Variants in ACSS3 observed in about 807,000 individuals in gnomAD.
ACSS3 encodes acyl-CoA synthetase short chain family member 3.
Under a neutral mutation model 84.2 loss-of-function variants are expected in ACSS3, and 64 were observed. That is an observed-to-expected ratio of 0.76 (90% CI 0.62 to 0.94). The LOEUF (loss-of-function observed/expected upper bound fraction) is 0.94, where lower values mean the gene tolerates loss of function less well. Among genes scored for constraint, ACSS3 ranks in the 40% least tolerant of loss-of-function variants. The pLI is 0.00. For missense variants in ACSS3, 815 were observed against 867.6 expected (o/e 0.94, Z 0.76); for synonymous variants, 317 against 310.1 (o/e 1.02, Z -0.23).
At chr12:81,101,836 C>CT (rs149332414) in intron 1 of ACSS3, among the ~76,000 whole-genome samples, 6,304 of 150,928 alleles carry the variant, frequency 0.042, 440 homozygotes, top group African/African-American at 0.14. Context: ...GGTTGAGCAT[C>CT]TTTTTTTTTA....
intron 11 of ACSS3, among the ~76,000 whole-genome samples, chr12:81,229,452 C>T (rs1376048571): frequency 2.0e-5 from 3 of 151,800 alleles, no homozygotes; most frequent in Non-Finnish European, 4.4e-5. Flanking sequence ...TTGTTATAGT[C>T]ATATTCTATT....
At chr12:81,129,199 C>T (rs901877294) in intron 2 of ACSS3, among the ~76,000 whole-genome samples, 1 of 152,018 alleles carries the variant, frequency 6.6e-6, no homozygotes, top group Non-Finnish European at 1.5e-5. Context: ...AACTCAGATG[C>T]CTACAGAAGA....
At position 81,260,651 on chromosome 12, in the gene ACSS3, A is replaced by G. The variant is rs563112520; in HGVS notation, c.*5729A>G. 1.5e-3 allele frequency: 231 copies of G among 152,280 alleles called. 1 individual carries two copies. The highest frequency in any genetic ancestry group is 5.2e-3 in the African/African-American group (215 of 41,548). The allele number at this position is 152,280 out of a possible 1,614,324, so 9.4% of individuals were successfully genotyped here. On this transcript the variant is annotated 3_prime_UTR_variant, in exon 16 of 16. Transcript: ENST00000548058. The stretch of plus-strand genomic sequence containing the variant: ...ATGCTTTTCATTTTATCAGCTTCAA[A>G]TAGTGATCCAAATAAGGCAGCATAT...
chr12:81,148,099 A>G (rs1296947056), intron 5 of ACSS3, among the ~76,000 whole-genome samples: 1 of 151,718 alleles, frequency 6.6e-6, no homozygotes, highest in Non-Finnish European at 1.5e-5. Context: ...TTTGTCATGT[A>G]CTCTAAGCTT....
At chr12:81,232,662 A>C (rs1467530198) in intron 12 of ACSS3, among the ~76,000 whole-genome samples, 1 of 151,812 alleles carries the variant, frequency 6.6e-6, no homozygotes, top group Non-Finnish European at 1.5e-5. Context: ...AACAGATGAG[A>C]ATACTGAGTC....
chr12:81,212,644 T>G (rs1390150083), intron 9 of ACSS3, among the ~76,000 whole-genome samples: 2 of 152,178 alleles, frequency 1.3e-5, no homozygotes, highest in African/African-American at 4.8e-5. Flanking sequence ...ATAAATGCAA[T>G]TATATAGATT....
At chr12:81,089,207 T>TA (rs947588241) in intron 1 of ACSS3, among the ~76,000 whole-genome samples, 1 of 151,904 alleles carries the variant, frequency 6.6e-6, no homozygotes, top group Non-Finnish European at 1.5e-5. Flanking sequence ...AACCTCTCAA[T>TA]AAAAAAATAG....
chr12:81,215,629 G>C (rs1036418213), intron 9 of ACSS3, among the ~76,000 whole-genome samples: 1 of 152,150 alleles, frequency 6.6e-6, no homozygotes, highest in Non-Finnish European at 1.5e-5. Flanking sequence ...TGATGGGTTT[G>C]GCAGTTAATT....
At chr12:81,105,850 G>A (rs1479351890) in intron 1 of ACSS3, among the ~76,000 whole-genome samples, 6 of 152,220 alleles carry the variant, frequency 3.9e-5, no homozygotes, top group Non-Finnish European at 5.9e-5. Flanking sequence ...AATGTTCTAA[G>A]TTAAGCTGTG....
chr12:81,192,183 C>A (rs1398037385), intron 8 of ACSS3, among the ~76,000 whole-genome samples: 1 of 151,860 alleles, frequency 6.6e-6, no homozygotes, highest in African/African-American at 2.4e-5. Flanking sequence ...AGTTCGAGAC[C>A]AGCCTGGCCA....
intron 5 of ACSS3, among the ~76,000 whole-genome samples, chr12:81,150,871 TTCATAAAAAACAA>T (rs2099256445): frequency 7.2e-6 from 1 of 139,776 alleles, no homozygotes; most frequent in African/African-American, 2.5e-5. Context: ...TGTTTGCCCT[TTCATAAAAAACAA>T]TTTTTTTTGC....
intron 8 of ACSS3, among the ~76,000 whole-genome samples, chr12:81,188,780 A>G (rs1208741631): frequency 2.6e-5 from 4 of 151,964 alleles, no homozygotes; most frequent in Admixed American, 1.3e-4. Flanking sequence ...AATAATTTTT[A>G]CTTTTATTTT....
intron 2 of ACSS3, among the ~76,000 whole-genome samples, chr12:81,121,791 A>G (rs1388851398): frequency 6.6e-6 from 1 of 152,090 alleles, no homozygotes; most frequent in Non-Finnish European, 1.5e-5. Flanking sequence ...TTAGTAATTG[A>G]ACTTCCATAG....
chr12:81,149,193 CTTCATA>C (rs1290789809), intron 5 of ACSS3, among the ~76,000 whole-genome samples: 4 of 152,076 alleles, frequency 2.6e-5, no homozygotes, highest in Non-Finnish European at 5.9e-5. Context: ...AGTATTTTTA[CTTCATA>C]TTCAGATATA....
At chr12:81,134,452 A>G (rs1273408863) in intron 2 of ACSS3, among the ~76,000 whole-genome samples, 1 of 152,134 alleles carries the variant, frequency 6.6e-6, no homozygotes, top group Non-Finnish European at 1.5e-5. Flanking sequence ...TTTGCAATAC[A>G]TAGGCTCTAC....
At chr12:81,083,241 G>T (rs1295758838) in intron 1 of ACSS3, among the ~76,000 whole-genome samples, 3 of 152,184 alleles carry the variant, frequency 2.0e-5, no homozygotes, top group African/African-American at 7.2e-5. Flanking sequence ...TCACAGCAGG[G>T]CTGAAAGCCT....
At chr12:81,225,878 A>G (rs12316041) in intron 11 of ACSS3, among the ~76,000 whole-genome samples, 1,595 of 152,014 alleles carry the variant, frequency 0.01, 31 homozygotes, top group African/African-American at 0.037. Flanking sequence ...TAAACAAGGC[A>G]ATTGAATAAT....
chr12:81,253,783 C>CACAT (rs2034223555), intron 15 of ACSS3, 113 bp downstream of exon 15: 1 of 1,022,262 alleles, frequency 9.8e-7, no homozygotes, highest in African/African-American at 1.6e-5. Context: ...CTCTAGAAAA[C>CACAT]ACATAATAGT....
chr12:81,112,296 A>G (rs1356404360), intron 2 of ACSS3, among the ~76,000 whole-genome samples: 1 of 152,230 alleles, frequency 6.6e-6, no homozygotes, highest in African/African-American at 2.4e-5. Flanking sequence ...CATTACCTAT[A>G]GCCACATATT....
Sources: allele counts gnomAD v4.1 joint callset (sites outside exome capture counted in the v4.1 genomes callset), GRCh38; gene constraint gnomAD v4.1.1; transcripts MANE v1.5; gene names NCBI Gene and HGNC (gene_info 2026-07-23, HGNC 2026-07-21).